SLC12A5: variants seen among roughly 807,000 people sequenced by gnomAD.
The protein encoded by SLC12A5 is solute carrier family 12 member 5.
In SLC12A5, 18 loss-of-function variants were observed where a neutral mutation model predicts 124.0. The observed-to-expected ratio is 0.15, with a 90% confidence interval of 0.10 to 0.22. The LOEUF (loss-of-function observed/expected upper bound fraction) is 0.22. Among genes scored for constraint, SLC12A5 ranks in the 10% least tolerant of loss-of-function variants. SLC12A5 has a pLI of 1.00. For missense variants in SLC12A5, 867 were observed against 1,478.7 expected, an observed-to-expected ratio of 0.59 and a Z score of 6.78; for synonymous variants, 589 against 568.0, an observed-to-expected ratio of 1.04 and a Z score of -0.53.
intron 1 of SLC12A5, among the ~76,000 whole-genome samples, chr20:46,029,901 CGT>C (rs2084432592): frequency 1.0e-5 from 1 of 96,890 alleles, no homozygotes; most frequent in Non-Finnish European, 2.2e-5. Flanking sequence ...CGCGCGCGTG[CGT>C]ATGTGTGTGT....
Position 46,053,072 on chromosome 20 carries a change from T to A in SLC12A5, c.2493T>A (p.Ile831=), listed in dbSNP as rs2084660049. ...FSEGSIDVWW[I]VHDGGMLMLL... is the part of the protein sequence containing the mutation. ...AGGGCAGCATCGACGTTTGGTGGAT[T>A]GTGCACGATGGAGGCATGCTCATGC... The change falls in exon 19 of 26, where the codon ATT becomes ATA. Residue 831 remains isoleucine (I), a synonymous_variant. Transcript: ENST00000243964. This position sits in a 1 kb window ranked among gnomAD's most constrained non-coding sequence, Gnocchi z 4.7. The A allele has an allele frequency of 6.2e-7, 1 of 1,614,066 alleles. No homozygotes were observed. Among genetic ancestry groups the A allele is most frequent in the Non-Finnish European group, 8.5e-7 (1 of 1,179,910 alleles).
At chr20:46,028,371 C>A (rs982505053), upstream of SLC12A5, among the ~76,000 whole-genome samples, 7 of 152,158 alleles carry the variant, frequency 4.6e-5, no homozygotes, top group African/African-American at 2.4e-5. Flanking sequence ...CCTGGAAACT[C>A]ACTGCTGCCT....
chr20:46,056,576 G>A lies in SLC12A5; in HGVS notation c.3110+12G>A, dbSNP rs769822566. The A allele has an allele frequency of 1.7e-5, 28 of 1,611,382 alleles. No individual in the cohort carries two copies. The highest frequency in any genetic ancestry group is 2.2e-5 in the South Asian group (2 of 90,844). The stretch of plus-strand genomic sequence containing the variant: ...TTCAGCATGAAGCCGTACGGGCCTG[G>A]GGGCTAAGGGCTGGGGGCTGGGGTG... On this transcript the variant is annotated intron_variant, in intron 23 of 25. Transcript: ENST00000243964. The surrounding 1 kb of genome is among the most constrained non-coding windows in gnomAD (Gnocchi z 4.3).
chr20:46,047,597 G>T (rs771261791), intron 15 of SLC12A5, 24 bp downstream of exon 15: 2 of 1,608,828 alleles, frequency 1.2e-6, no homozygotes, highest in Non-Finnish European at 1.7e-6. Flanking sequence ...GTGGAGGTTG[G>T]GGTGGCTGGG....
rs1467072085 is a variant in SLC12A5 at position 46,059,466 on chromosome 20, C to T, written c.*1861C>T. 5.0e-6 allele frequency: 2 copies of T among 398,448 alleles called. No homozygotes were observed. Among genetic ancestry groups the T allele is most frequent in the Non-Finnish European group, 8.9e-6 (2 of 225,902 alleles). 24.7% of individuals were successfully genotyped at this position (398,448 alleles called of 1,614,324 possible). A position where few individuals can be genotyped will look rare whatever the true frequency, so the allele number is the denominator to read the frequency against. ...CCAGCCCCCTGCATCCTTCAGTAGA[C>T]CTCCCTCTGAACACCACAGCCAGGT... On this transcript the variant is annotated 3_prime_UTR_variant, in exon 26 of 26. Transcript: ENST00000243964.
upstream of SLC12A5, among the ~76,000 whole-genome samples, chr20:46,028,016 T>G (rs1423106812): frequency 6.6e-6 from 1 of 152,166 alleles, no homozygotes; most frequent in Non-Finnish European, 1.5e-5. Context: ...GATGTTTAGA[T>G]CTTCTAGAGA....
intron 8 of SLC12A5, 140 bp from the exon 9 acceptor site, chr20:46,043,013 G>A (rs2084561447): frequency 3.6e-6 from 3 of 841,958 alleles, no homozygotes; most frequent in South Asian, 3.3e-5. Flanking sequence ...AATGTCAGTG[G>A]AAATGAAATA....
At chr20:46,041,586 T>C (rs781263258) in intron 8 of SLC12A5, 46 bp downstream of exon 8, 2 of 1,603,696 alleles carry the variant, frequency 1.2e-6, no homozygotes, top group Non-Finnish European at 1.7e-6. Flanking sequence ...GCTGCAGGGA[T>C]TGTAGGTTAA....
chr20:46,038,100 C>G (rs751913967), intron 6 of SLC12A5: 1 of 152,222 alleles, frequency 6.6e-6, no homozygotes, highest in African/African-American at 2.4e-5. Flanking sequence ...TGACATGTCC[C>G]AAGCCCCTAC....
At position 46,056,218 on chromosome 20, in the gene SLC12A5, C is replaced by T. The variant is rs2084690897; in HGVS notation, c.2856C>T (p.Arg952=). ...AGAATCCAGCCAACACGCGGCTCCGCCTGAACGTCCCAGAAGAGACGGCTG... is the reference window on the plus strand; with the variant it reads ...AGAATCCAGCCAACACGCGGCTCCGTCTGAACGTCCCAGAAGAGACGGCTG... ...RRKNPANTRL[R]LNVPEETAGD... is the part of the protein sequence containing the mutation. The change falls in exon 22 of 26, where the codon CGC becomes CGT. Residue 952 remains arginine (R), a synonymous_variant. Coordinates refer to ENST00000243964, the MANE Select transcript of SLC12A5 (RefSeq NM_020708.5). The surrounding 1 kb of genome is among the most constrained non-coding windows in gnomAD (Gnocchi z 4.3). The T allele has an allele frequency of 6.2e-7, 1 of 1,614,204 alleles. No individual in the cohort carries two copies. The highest frequency in any genetic ancestry group is 1.7e-5 in the Admixed American group (1 of 60,018).
chr20:46,058,264 C>T lies in SLC12A5; in HGVS notation c.*659C>T, dbSNP rs980358328. The stretch of plus-strand genomic sequence containing the variant: ...CCTCGGGAAGCTGAATTTTCCTTGA[C>T]GTCCAAGAGTTTGAGAGCGAAAGTG... On this transcript the variant is annotated 3_prime_UTR_variant, in exon 26 of 26. Coordinates refer to ENST00000243964, the MANE Select transcript of SLC12A5 (RefSeq NM_020708.5). The surrounding 1 kb of genome is among the most constrained non-coding windows in gnomAD (Gnocchi z 5.8). 1 of 392,902 alleles carries T rather than the reference C, an allele frequency of 2.5e-6. No individual in the cohort carries two copies. The highest frequency in any genetic ancestry group is 4.5e-6 in the Non-Finnish European group (1 of 222,686). The allele number at this position is 392,902 out of a possible 1,614,324, so 24.3% of individuals were successfully genotyped here.
intron 8 of SLC12A5, among the ~76,000 whole-genome samples, chr20:46,042,385 A>G (rs1395385715): frequency 1.3e-5 from 2 of 152,170 alleles, no homozygotes; most frequent in Admixed American, 6.6e-5. Context: ...GGCTGAGGCT[A>G]TGAGTCCAGG....
chr20:46,044,023 A>G, intron 11 of SLC12A5, 90 bp downstream of exon 11: 1 of 1,349,794 alleles, frequency 7.4e-7, no homozygotes, highest in South Asian at 1.4e-5. Flanking sequence ...AGGTGCTGGG[A>G]CCTGTGTGAG....
chr20:46,058,884 C>G lies in SLC12A5; in HGVS notation c.*1279C>G, dbSNP rs1390828059. 2.5e-6 allele frequency: 1 copy of G among 397,432 alleles called. No individual in the cohort carries two copies. The highest frequency in any genetic ancestry group is 4.4e-5 in the Admixed American group (1 of 22,724). The allele number at this position is 397,432 out of a possible 1,614,324, so 24.6% of individuals were successfully genotyped here. A position where few individuals can be genotyped will look rare whatever the true frequency, so the allele number is the denominator to read the frequency against. ...CCTTCTCCGTGCTCTGGGGCCGGGCCTCGCTGCTTAGCAGCGGCCTCTAGC... is the reference window on the plus strand; with the variant it reads ...CCTTCTCCGTGCTCTGGGGCCGGGCGTCGCTGCTTAGCAGCGGCCTCTAGC... On this transcript the variant is annotated 3_prime_UTR_variant, in exon 26 of 26. Coordinates refer to ENST00000243964, the MANE Select transcript of SLC12A5 (RefSeq NM_020708.5). The surrounding 1 kb of genome is among the most constrained non-coding windows in gnomAD (Gnocchi z 5.8).
intron 1 of SLC12A5, among the ~76,000 whole-genome samples, chr20:46,033,665 C>G (rs1000736401): frequency 4.6e-5 from 7 of 152,160 alleles, no homozygotes; most frequent in Non-Finnish European, 7.3e-5. Context: ...ATCTTCCCCA[C>G]CTCCAAACTC....
At position 46,058,925 on chromosome 20, in the gene SLC12A5, C is replaced by A. The variant is rs1449260941; in HGVS notation, c.*1320C>A. 5.1e-6 allele frequency: 2 copies of A among 394,778 alleles called. No homozygotes were observed. The highest frequency in any genetic ancestry group is 8.9e-6 in the Non-Finnish European group (2 of 224,290). The allele number at this position is 394,778 out of a possible 1,614,324, so 24.5% of individuals were successfully genotyped here. A position where few individuals can be genotyped will look rare whatever the true frequency, so the allele number is the denominator to read the frequency against. On this transcript the variant is annotated 3_prime_UTR_variant, in exon 26 of 26. Transcript: ENST00000243964. This position sits in a 1 kb window ranked among gnomAD's most constrained non-coding sequence, Gnocchi z 5.8. ...GGCCTCTAGCTCCGTCTCCCGGGGA[C>A]CTGGGCCTGAGGGAGGGCTGGAGTC...
intron 1 of SLC12A5, among the ~76,000 whole-genome samples, chr20:46,022,282 G>C (rs2084362510): frequency 6.6e-6 from 1 of 151,934 alleles, no homozygotes; most frequent in Non-Finnish European, 1.5e-5. Flanking sequence ...AGGGAAAAAG[G>C]GGGCTGTGTG....
intron 8 of SLC12A5, among the ~76,000 whole-genome samples, chr20:46,042,925 C>A (rs2084560802): frequency 6.6e-6 from 1 of 152,046 alleles, no homozygotes; most frequent in Non-Finnish European, 1.5e-5. Flanking sequence ...CTAGATTGGA[C>A]TGTTTGATGG....
At chr20:46,026,173 C>G (rs1176968122), upstream of SLC12A5, among the ~76,000 whole-genome samples, 2 of 152,192 alleles carry the variant, frequency 1.3e-5, no homozygotes, top group African/African-American at 4.8e-5. Context: ...ATATCTCTTC[C>G]AGTTCCCAAA....
Sources: allele counts gnomAD v4.1 joint callset (sites outside exome capture counted in the v4.1 genomes callset), GRCh38; gene constraint gnomAD v4.1.1; non-coding constraint Gnocchi (gnomAD v3.1); transcripts MANE v1.5; gene names NCBI Gene and HGNC (gene_info 2026-07-23, HGNC 2026-07-21).